PCSK6: variants seen among roughly 807,000 people sequenced by gnomAD.
PCSK6 encodes the protein proprotein convertase subtilisin/kexin type 6, also known as paired basic amino acid cleaving enzyme 4.
Under a neutral mutation model 123.3 loss-of-function variants are expected in PCSK6, and 85 were observed. That is an observed-to-expected ratio of 0.69 (90% CI 0.58 to 0.83). The LOEUF (loss-of-function observed/expected upper bound fraction) is 0.83. Ranked by LOEUF, PCSK6 falls within the 40% of genes least tolerant of loss-of-function variation. The pLI is 0.00. For missense variants in PCSK6, 1,191 were observed against 1,282.3 expected (o/e 0.93, Z 1.09); for synonymous variants, 508 against 516.0 (o/e 0.98, Z 0.21).
intron 13 of PCSK6, among the ~76,000 whole-genome samples, chr15:101,360,049 G>A (rs2041166759): frequency 6.6e-6 from 1 of 152,078 alleles, no homozygotes; most frequent in African/African-American, 2.4e-5. Flanking sequence ...CTACTGTGCA[G>A]GACAAAAACT....
chr15:101,316,910 G>GTTTTATTTTTTTTTTTTTTTT (rs2040002199), intron 19 of PCSK6, among the ~76,000 whole-genome samples: 1 of 114,972 alleles, frequency 8.7e-6, no homozygotes, highest in African/African-American at 3.9e-5. Flanking sequence ...ACTTAATTCT[G>GTTTTATTTTTTTTTTTTTTTT]TTTTTTTTTT....
intron 13 of PCSK6, among the ~76,000 whole-genome samples, chr15:101,343,113 C>T (rs1022493430): frequency 3.3e-5 from 5 of 152,086 alleles, no homozygotes; most frequent in African/African-American, 7.2e-5. Context: ...TTTATGTAAA[C>T]GTGTCAATTT....
At chr15:101,336,044 T>A (rs1040351696) in intron 13 of PCSK6, among the ~76,000 whole-genome samples, 1 of 152,168 alleles carries the variant, frequency 6.6e-6, no homozygotes, top group African/African-American at 2.4e-5. Flanking sequence ...GAATATGGGG[T>A]CTGCTACTGA....
At chr15:101,444,520 G>C (rs142064753) in intron 1 of PCSK6, among the ~76,000 whole-genome samples, 1 of 152,108 alleles carries the variant, frequency 6.6e-6, no homozygotes, top group Non-Finnish European at 1.5e-5. Flanking sequence ...TTCTTTTCTA[G>C]CTTGATTAAA....
chr15:101,448,128 GAATT>G (rs1250302222), intron 1 of PCSK6, among the ~76,000 whole-genome samples: 3 of 152,216 alleles, frequency 2.0e-5, no homozygotes, highest in African/African-American at 7.2e-5. Flanking sequence ...TCTTCACAAT[GAATT>G]AATTAGAGCC....
At chr15:101,347,231 C>G (rs1234978064) in intron 13 of PCSK6, 1 of 1,231,994 alleles carries the variant, frequency 8.1e-7, no homozygotes, top group African/African-American at 1.6e-5. Flanking sequence ...ATAGATTGAG[C>G]CATCGAACAC....
rs373813120 is a variant in PCSK6 at position 101,443,557 on chromosome 15, T to C, written c.401A>G (p.Gln134Arg). 1.9e-6 allele frequency: 3 copies of C among 1,606,784 alleles called. No individual in the cohort carries two copies. The change falls in exon 2 of 22, where the codon CAG (glutamine) becomes CGG (arginine). Residue 134 changes from glutamine (Q) to arginine (R), a missense_variant and splice_region_variant. Gln to Arg is a conservative substitution (Grantham distance 43, BLOSUM62 1). Around this residue, in one of 3 missense-constraint regions of PCSK6, gnomAD observed 204 missense variants for 166.4 expected, o/e 1.23. Coordinates refer to ENST00000611716, the MANE Select transcript of PCSK6 (RefSeq NM_002570.5). Reference protein sequence around the residue: ...GPHTFLRMDPQVKWLQQQEVK... With the variant: ...GPHTFLRMDPRVKWLQQQEVK... ...GGAAAGCATCCGGACACTCTGTACC[T>C]GGGGGTCCATTCTGAGGAAGGTGTG...
intron 13 of PCSK6, among the ~76,000 whole-genome samples, chr15:101,338,792 T>C (rs2040538652): frequency 6.6e-6 from 1 of 152,182 alleles, no homozygotes; most frequent in African/African-American, 2.4e-5. Context: ...AATCCACCTG[T>C]TTAAACACTT....
rs773933591 is a variant in PCSK6 at position 101,366,242 on chromosome 15, C to T, written c.1812G>A (p.Leu604=). ...WGEKAEGQWT[L]EIQDLPSQVR... is the part of the protein sequence containing the mutation. ...CCTGGGATGGCAGATCTTGGATTTCCAAGGTCCACTGCCCTTCAGCCTTTT... is the reference window on the plus strand; with the variant it reads ...CCTGGGATGGCAGATCTTGGATTTCTAAGGTCCACTGCCCTTCAGCCTTTT... The change falls in exon 13 of 22, where the codon TTG becomes TTA. Residue 604 remains leucine (L), a synonymous_variant. Coordinates refer to ENST00000611716, the MANE Select transcript of PCSK6 (RefSeq NM_002570.5). The T allele has an allele frequency of 3.7e-6, 6 of 1,613,570 alleles. No individual in the cohort carries two copies. Among genetic ancestry groups the T allele is most frequent in the Non-Finnish European group, 5.1e-6 (6 of 1,179,666 alleles).
intron 9 of PCSK6, among the ~76,000 whole-genome samples, chr15:101,387,988 ATG>A (rs2042117946): frequency 6.6e-6 from 1 of 152,242 alleles, no homozygotes; most frequent in Non-Finnish European, 1.5e-5. Flanking sequence ...AGGAGCTAAC[ATG>A]ATGAGGAAGA....
At chr15:101,440,658 G>C (rs962032593) in intron 2 of PCSK6, among the ~76,000 whole-genome samples, 1 of 152,170 alleles carries the variant, frequency 6.6e-6, no homozygotes, top group Admixed American at 6.5e-5. Context: ...CGAAGTCTCT[G>C]AATAATATTA....
At chr15:101,370,771 C>CTG (rs779450708) in intron 11 of PCSK6, among the ~76,000 whole-genome samples, 1 of 152,374 alleles carries the variant, frequency 6.6e-6, no homozygotes, top group Non-Finnish European at 1.5e-5. Context: ...CGGCTGGGCA[C>CTG]TGTGGCTCAC....
intron 13 of PCSK6, among the ~76,000 whole-genome samples, chr15:101,344,941 A>T (rs1181717068): frequency 6.6e-5 from 10 of 152,306 alleles, no homozygotes; most frequent in East Asian, 1.9e-4. Context: ...TACATTTTTT[A>T]AAAAAATCCA....
In PCSK6 at chr15:101,427,974, G is replaced by A; in HGVS notation, c.741C>T (p.Gly247=). ...CAGCAACTTCTCCCGCACAACGAGT[G>A]CCGTGTCTGAAACAAAGGAAAAAAC... The part of the protein sequence containing the change: ...RYDASNENKH[G]TRCAGEVAAS... Residue 247 remains glycine, a synonymous_variant, in exon 6 of 22, where the codon GGC becomes GGT. Coordinates refer to ENST00000611716, the MANE Select transcript of PCSK6 (RefSeq NM_002570.5). 1.3e-6 allele frequency: 2 copies of A among 1,573,472 alleles called. No individual in the cohort carries two copies. Among genetic ancestry groups the A allele is most frequent in the Non-Finnish European group, 1.7e-6 (2 of 1,158,886 alleles).
chr15:101,309,711 G>A (rs920892189), intron 20 of PCSK6, among the ~76,000 whole-genome samples: 1 of 152,234 alleles, frequency 6.6e-6, no homozygotes, highest in Non-Finnish European at 1.5e-5. Context: ...GGCAAGTGGA[G>A]GCAGGGCCAG....
intron 13 of PCSK6, among the ~76,000 whole-genome samples, chr15:101,343,311 C>A (rs2040661108): frequency 6.6e-6 from 1 of 152,070 alleles, no homozygotes; most frequent in South Asian, 2.1e-4. Flanking sequence ...CAGCTTATGG[C>A]ATTTTAATTT....
At position 101,489,167 on chromosome 15, in the gene PCSK6, A is replaced by T. The variant is rs111969957; in HGVS notation, c.297+207T>A. On this transcript the variant is annotated intron_variant, in intron 1 of 21. Transcript: ENST00000611716. ...CCCACGCGGGACCCCAGTCCCCCCC[A>T]CCCCGCCGAGTGTCCCGCGCGCGCC... Among the ~76,000 whole-genome samples the T allele has an allele frequency of 2.7e-4, 6 of 21,992 alleles. 1 individual carries two copies. The highest frequency in any genetic ancestry group is 5.5e-4 in the African/African-American group (6 of 10,916). 14.4% of individuals were successfully genotyped at this position (21,992 alleles called of 152,430 possible). A position where few individuals can be genotyped will look rare whatever the true frequency, so the allele number is the denominator to read the frequency against.
In PCSK6 at chr15:101,429,507, C is replaced by T. The variant is rs116634680; in HGVS notation, c.734+480G>A. On this transcript the variant is annotated intron_variant, in intron 5 of 21. Coordinates refer to ENST00000611716, the MANE Select transcript of PCSK6 (RefSeq NM_002570.5). Reference sequence around the variant, plus strand: ...AGTTTCAACCAGCTCACCCGGCATGCACGCAGCCAGTAAGTGGGAGAGCTG... The same window carrying T: ...AGTTTCAACCAGCTCACCCGGCATGTACGCAGCCAGTAAGTGGGAGAGCTG... Among the ~76,000 whole-genome samples, 536 of 152,234 alleles carry T rather than the reference C, an allele frequency of 3.5e-3. 4 individuals carry two copies. The highest frequency in any genetic ancestry group is 0.012 in the African/African-American group (515 of 41,534).
chr15:101,382,618 T>A (rs1596264694), intron 10 of PCSK6, among the ~76,000 whole-genome samples: 1 of 152,194 alleles, frequency 6.6e-6, no homozygotes, highest in East Asian at 1.9e-4. Context: ...AATTACCACG[T>A]GCCCGAAATG....
Sources: allele counts gnomAD v4.1 joint callset (sites outside exome capture counted in the v4.1 genomes callset), GRCh38; gene constraint gnomAD v4.1.1; regional missense constraint gnomAD v4.1.1; transcripts MANE v1.5; gene names NCBI Gene and HGNC (gene_info 2026-07-23, HGNC 2026-07-21).